The following CNOT4 variants were observed in gnomAD, a reference collection of about 807,000 sequenced individuals.
CNOT4 encodes the protein CCR4-NOT transcription complex subunit 4, also known as CCR4-associated factor 4.
In CNOT4, 8 loss-of-function variants were observed where a neutral mutation model predicts 73.8. The observed-to-expected ratio is 0.11, with a 90% confidence interval of 0.06 to 0.20. The LOEUF is 0.20. CNOT4 is among the 10% of genes least tolerant of loss of function. The pLI, the probability that CNOT4 is intolerant of heterozygous loss-of-function variation, is 1.00. For synonymous variants in CNOT4, 293 were observed against 321.1 expected, an observed-to-expected ratio of 0.91 and a Z score of 0.94; for missense variants, 564 against 883.4, an observed-to-expected ratio of 0.64 and a Z score of 4.58.
At chr7:135,377,619 A>G (rs929822900) in intron 10 of CNOT4, among the ~76,000 whole-genome samples, 2 of 152,242 alleles carry the variant, frequency 1.3e-5, no homozygotes, top group African/African-American at 4.8e-5. Flanking sequence ...TAATAGGAAC[A>G]CATCTTTTCC....
intron 1 of CNOT4, among the ~76,000 whole-genome samples, chr7:135,504,831 T>C (rs928029423): frequency 6.6e-6 from 1 of 150,736 alleles, no homozygotes; most frequent in Non-Finnish European, 1.5e-5. Flanking sequence ...GGTTTCACCA[T>C]GTTGGCCAGG....
intron 4 of CNOT4, among the ~76,000 whole-genome samples, chr7:135,414,871 T>C (rs557790199): frequency 2.1e-4 from 32 of 152,184 alleles, no homozygotes; most frequent in Non-Finnish European, 3.1e-4. Flanking sequence ...TCTGAAAATA[T>C]TACAGATTAG....
intron 1 of CNOT4, chr7:135,444,421 T>C (rs1799690136): frequency 1.3e-6 from 1 of 745,320 alleles, no homozygotes; most frequent in Admixed American, 1.8e-5. Context: ...CCATGGAATA[T>C]TAGAATATAT....
Position 135,362,706 on chromosome 7 carries a change from T to TA in CNOT4, c.*178dup. 1 of 760,904 alleles carries TA rather than the reference T, an allele frequency of 1.3e-6. No individual in the cohort carries two copies. The allele number at this position is 760,904 out of a possible 1,614,324, so 47.1% of individuals were successfully genotyped here. On this transcript the variant is annotated 3_prime_UTR_variant, in exon 12 of 12. Coordinates refer to ENST00000541284, the MANE Select transcript of CNOT4 (RefSeq NM_001190850.2). ...GATCAACAAAAATTTTTACAATTAA[T>TA]AAAGAGATGGTAATGACCCTGTGAT...
intron 2 of CNOT4, among the ~76,000 whole-genome samples, chr7:135,433,368 T>C (rs1798963489): frequency 6.7e-6 from 1 of 148,984 alleles, no homozygotes; most frequent in African/African-American, 2.5e-5. Context: ...TTTTTTTTTT[T>C]TTTCTTGAGG....
At chr7:135,502,685 G>A (rs1156414122) in intron 1 of CNOT4, among the ~76,000 whole-genome samples, 5 of 150,358 alleles carry the variant, frequency 3.3e-5, no homozygotes, top group Non-Finnish European at 5.9e-5. Context: ...GTGTGGTGGC[G>A]GGCGCCTGTA....
At chr7:135,394,441 A>G (rs755828919) in intron 9 of CNOT4, 26 bp from the exon 10 acceptor site, 48 of 1,545,712 alleles carry the variant, frequency 3.1e-5, no homozygotes, top group Non-Finnish European at 4.1e-5. Context: ...ATAGTGATGA[A>G]TATCAGATAC....
rs530465151 is a variant in CNOT4 at position 135,487,849 on chromosome 7, C to T, written c.-93+22040G>A. Among the ~76,000 whole-genome samples, 5 of 152,216 alleles carry T rather than the reference C, an allele frequency of 3.3e-5. No homozygotes were observed. In the South Asian group the frequency reaches 6.2e-4, roughly 19 times the overall value. ...CAGGCGGATCACGAGGTCAGGAGATCGAGACCACCCTGGCTAACACGGTGA... is the reference window on the plus strand; with the variant it reads ...CAGGCGGATCACGAGGTCAGGAGATTGAGACCACCCTGGCTAACACGGTGA... On this transcript the variant is annotated intron_variant, in intron 1 of 11. Transcript: ENST00000541284.
At chr7:135,395,264 C>T (rs1010564909) in intron 9 of CNOT4, among the ~76,000 whole-genome samples, 1 of 151,836 alleles carries the variant, frequency 6.6e-6, no homozygotes, top group African/African-American at 2.4e-5. Flanking sequence ...GGGAGGATCA[C>T]TTGAACCCAG....
At position 135,423,309 on chromosome 7, in the gene CNOT4, T is replaced by C. The variant is rs957721254; in HGVS notation, c.175-956A>G. Reference sequence around the variant, plus strand: ...GATGGAAACTCAACTGGTAGGGAAATTGGCACCTATCAGAATACAAGAGTG... The same window carrying C: ...GATGGAAACTCAACTGGTAGGGAAACTGGCACCTATCAGAATACAAGAGTG... On this transcript the variant is annotated intron_variant, in intron 2 of 11. Transcript: ENST00000541284. 4.0e-5 allele frequency among the ~76,000 whole-genome samples: 6 copies of C among 150,662 alleles called. No individual in the cohort carries two copies. In the East Asian group the frequency reaches 7.8e-4, roughly 20 times the overall value.
intron 1 of CNOT4, among the ~76,000 whole-genome samples, chr7:135,482,521 T>C (rs1202494680): frequency 1.3e-5 from 2 of 151,784 alleles, no homozygotes; most frequent in Non-Finnish European, 2.9e-5. Context: ...CACTGCACTC[T>C]AACCTGGCTG....
intron 1 of CNOT4, among the ~76,000 whole-genome samples, chr7:135,478,227 A>T (rs1278789696): frequency 6.6e-6 from 1 of 152,208 alleles, no homozygotes; most frequent in African/African-American, 2.4e-5. Flanking sequence ...CAACTAAGGT[A>T]TCACTCTTAA....
rs1423818483 is a variant in CNOT4, at chr7:135,364,603, G to A, written c.1628-537C>T. Among the ~76,000 whole-genome samples the A allele has an allele frequency of 2.0e-5, 3 of 152,352 alleles. No individual in the cohort carries two copies. Among genetic ancestry groups the A allele is most frequent in the South Asian group, 4.1e-4 (2 of 4,830 alleles). ...CAATGTGCTTCAGAAGAGAAAAGCAGTAATGAACAGGCTTTTGAATTTGAA... is the reference window on the plus strand; with the variant it reads ...CAATGTGCTTCAGAAGAGAAAAGCAATAATGAACAGGCTTTTGAATTTGAA... On this transcript the variant is annotated intron_variant, in intron 10 of 11. Coordinates refer to ENST00000541284, the MANE Select transcript of CNOT4 (RefSeq NM_001190850.2). This position sits in a 1 kb window ranked among gnomAD's most constrained non-coding sequence, Gnocchi z 4.3.
At chr7:135,395,531 G>A (rs1796628451) in intron 9 of CNOT4, 103 bp downstream of exon 9, 11 of 1,297,022 alleles carry the variant, frequency 8.5e-6, no homozygotes, top group Non-Finnish European at 1.2e-5. Flanking sequence ...AAAGAGAACA[G>A]AGAGGCAAAA....
At chr7:135,387,647 T>C in intron 10 of CNOT4, 3 of 984,766 alleles carry the variant, frequency 3.0e-6, no homozygotes, top group Non-Finnish European at 3.6e-6. Flanking sequence ...AGATGCTTCA[T>C]GTAGGCAGAA....
At position 135,394,031 on chromosome 7, in the gene CNOT4, C is replaced by A. The variant is rs777344165; in HGVS notation, c.1514G>T (p.Arg505Leu). 1.9e-6 allele frequency: 3 copies of A among 1,614,110 alleles called. No homozygotes were observed. Among genetic ancestry groups the A allele is most frequent in the Non-Finnish European group, 2.5e-6 (3 of 1,180,016 alleles). ...GTGGTTCAAGTGCATGATGCTATTG[C>A]GTGGAAAGGCCATCCAAGGATAGCG... ...AARYPWMAFP[R>L]NSIMHLNHTA... is the part of the protein sequence containing the mutation. Residue 505 changes from arginine (R) to leucine (L), a missense_variant, in exon 10 of 12, where the codon CGC becomes CTC. Transcript: ENST00000541284.
chr7:135,442,578 A>G (rs924653680), intron 1 of CNOT4, among the ~76,000 whole-genome samples: 1 of 152,226 alleles, frequency 6.6e-6, no homozygotes, highest in Non-Finnish European at 1.5e-5. Flanking sequence ...CAGCCTGGGC[A>G]ACAAGAGCAA....
intron 2 of CNOT4, among the ~76,000 whole-genome samples, chr7:135,427,326 CTTT>C (rs34156131): frequency 6.6e-6 from 1 of 150,642 alleles, no homozygotes; most frequent in East Asian, 1.9e-4. Context: ...TATTGAAAAA[CTTT>C]TTTTTTTCCT....
At chr7:135,398,805 G>A (rs1796846048) in intron 7 of CNOT4, among the ~76,000 whole-genome samples, 1 of 152,050 alleles carries the variant, frequency 6.6e-6, no homozygotes, top group Non-Finnish European at 1.5e-5. Flanking sequence ...CCCCATTTCA[G>A]TTTTTGAAAT....
Sources: gnomAD v4.1 joint callset for allele counts (sites outside exome capture counted in the v4.1 genomes callset) on GRCh38, gnomAD v4.1.1 for gene constraint, Gnocchi (gnomAD v3.1) non-coding constraint, MANE v1.5 for transcripts, NCBI Gene and HGNC (gene_info 2026-07-23, HGNC 2026-07-21) for gene names.